WWOX: variants seen among roughly 807,000 people sequenced by gnomAD.
The protein encoded by WWOX is WW domain containing oxidoreductase, also known as WW domain-containing oxidoreductase.
Under a neutral mutation model 46.2 loss-of-function variants are expected in WWOX, and 69 were observed. The observed-to-expected ratio is 1.49, with a 90% CI of 1.23 to 1.82. The LOEUF is 1.82. Among genes scored for constraint, WWOX ranks in the 40% most tolerant of loss-of-function variants. The pLI is 0.00. For missense variants in WWOX, 919 were observed against 542.6 expected, an observed-to-expected ratio of 1.69 and a Z score of -6.89; for synonymous variants, 359 against 202.6, an observed-to-expected ratio of 1.77 and a Z score of -6.56.
chr16:79,211,176 A>C (rs2051730912), intron 8 of WWOX, among the ~76,000 whole-genome samples: 1 of 152,116 alleles, frequency 6.6e-6, no homozygotes, highest in Non-Finnish European at 1.5e-5. Flanking sequence ...ACCACAATTA[A>C]GAGTGGTTGG....
At chr16:78,359,146 C>G (rs1445320506) in intron 5 of WWOX, among the ~76,000 whole-genome samples, 2 of 152,112 alleles carry the variant, frequency 1.3e-5, no homozygotes, top group African/African-American at 4.8e-5. Context: ...GTGTCTGTAC[C>G]TTCCTATACC....
intron 4 of WWOX, among the ~76,000 whole-genome samples, chr16:78,158,917 C>G (rs1038504774): frequency 6.6e-6 from 1 of 152,150 alleles, no homozygotes; most frequent in African/African-American, 2.4e-5. Context: ...TACCCTTTGG[C>G]TAATACCTCC....
At chr16:78,764,043 T>C (rs8182221) in intron 8 of WWOX, among the ~76,000 whole-genome samples, 81,170 of 151,922 alleles carry the variant, frequency 0.53, 25,228 homozygotes, top group Non-Finnish European at 0.69. Flanking sequence ...CTGCGTAGGA[T>C]ATGTGAAATA....
chr16:78,638,404 A>T (rs896606127), intron 8 of WWOX, among the ~76,000 whole-genome samples: 5 of 151,042 alleles, frequency 3.3e-5, no homozygotes, highest in Admixed American at 6.6e-5. Context: ...TGCCTTTCCA[A>T]CCGCTACCAC....
chr16:79,052,493 T>C (rs1467035578), intron 8 of WWOX, among the ~76,000 whole-genome samples: 1 of 152,232 alleles, frequency 6.6e-6, no homozygotes, highest in African/African-American at 2.4e-5. Flanking sequence ...ATATGTTTAT[T>C]GCGGCATTAT....
intron 6 of WWOX, among the ~76,000 whole-genome samples, chr16:78,412,270 AG>A (rs2082699259): frequency 6.6e-6 from 1 of 152,214 alleles, no homozygotes; most frequent in Non-Finnish European, 1.5e-5. Flanking sequence ...ACAGAAATAA[AG>A]GGTATCAGGA....
chr16:78,691,454 T>C (rs35184599), intron 8 of WWOX, among the ~76,000 whole-genome samples: 9,998 of 152,222 alleles, frequency 0.066, 460 homozygotes, highest in Non-Finnish European at 0.096. Context: ...CTCCACACTT[T>C]GGGAGGCTGA....
At chr16:78,679,786 G>A (rs527884327) in intron 8 of WWOX, among the ~76,000 whole-genome samples, 1 of 152,324 alleles carries the variant, frequency 6.6e-6, no homozygotes, top group African/African-American at 2.4e-5. Context: ...GCTGCCAAGA[G>A]AACAGCAGCA....
intron 8 of WWOX, among the ~76,000 whole-genome samples, chr16:78,812,067 T>C (rs1001743749): frequency 3.3e-5 from 5 of 152,148 alleles, no homozygotes; most frequent in Admixed American, 6.5e-5. Context: ...AAGATCTTTC[T>C]GAAAAGGATC....
intron 8 of WWOX, among the ~76,000 whole-genome samples, chr16:79,126,139 G>A (rs935948979): frequency 1.3e-5 from 2 of 152,134 alleles, no homozygotes; most frequent in Non-Finnish European, 2.9e-5. Flanking sequence ...GCTTGGGGAT[G>A]GAGGTGAGCT....
chr16:78,586,620 C>T (rs1373740327), intron 8 of WWOX, among the ~76,000 whole-genome samples: 1 of 152,112 alleles, frequency 6.6e-6, no homozygotes, highest in Non-Finnish European at 1.5e-5. Context: ...GTAACCAAGT[C>T]ACAATTTTAA....
chr16:78,604,340 A>G (rs2045693340), intron 8 of WWOX, among the ~76,000 whole-genome samples: 1 of 151,970 alleles, frequency 6.6e-6, no homozygotes, highest in African/African-American at 2.4e-5. Flanking sequence ...GCCCTCATGA[A>G]TGCTTTAGTG....
intron 8 of WWOX, among the ~76,000 whole-genome samples, chr16:78,790,280 G>A (rs903296984): frequency 1.3e-5 from 2 of 152,138 alleles, no homozygotes; most frequent in South Asian, 2.1e-4. Flanking sequence ...GATTACAGGC[G>A]CACGCCAGCA....
intron 8 of WWOX, among the ~76,000 whole-genome samples, chr16:78,907,083 A>T (rs142341461): frequency 5.3e-5 from 8 of 152,268 alleles, no homozygotes; most frequent in African/African-American, 1.9e-4. Flanking sequence ...CTGGAGCTTT[A>T]TTGTTACTCA....
At chr16:78,528,233 C>G (rs2043530177) in intron 8 of WWOX, among the ~76,000 whole-genome samples, 1 of 130,348 alleles carries the variant, frequency 7.7e-6, no homozygotes, top group African/African-American at 2.9e-5. Context: ...CCAGGATGGT[C>G]TCGGTCTGCT....
At position 78,151,135 on chromosome 16, in the gene WWOX, C is replaced by CGG. The variant is rs2034391588; in HGVS notation, c.410-13048_410-13047insGG. Among the ~76,000 whole-genome samples, 14 of 151,672 alleles carry CGG rather than the reference C, an allele frequency of 9.2e-5. No homozygotes were observed. In the South Asian group the frequency reaches 2.9e-3, roughly 32 times the overall value. On this transcript the variant is annotated intron_variant, in intron 4 of 8. Transcript: ENST00000566780. ...TAAGTGATCCTCTTGCCTCAGCTTC[C>CGG]CAATGTGCTAGGATTACAGGCATGA...
chr16:78,183,512 C>G (rs1388252370), intron 5 of WWOX, among the ~76,000 whole-genome samples: 1 of 152,198 alleles, frequency 6.6e-6, no homozygotes. Flanking sequence ...TGTTGTGGAT[C>G]TCAGACAAGG....
chr16:78,302,491 G>T (rs1203079657), intron 5 of WWOX, among the ~76,000 whole-genome samples: 6 of 152,104 alleles, frequency 3.9e-5, no homozygotes, highest in Non-Finnish European at 8.8e-5. Flanking sequence ...AGGAGATATT[G>T]CCTACCTGCA....
chr16:78,272,622 T>C (rs764111171), intron 5 of WWOX, among the ~76,000 whole-genome samples: 5 of 152,190 alleles, frequency 3.3e-5, no homozygotes, highest in Non-Finnish European at 1.5e-5. Context: ...TCATTACCTA[T>C]AGAATAACTC....
Sources: allele counts gnomAD v4.1 joint callset (sites outside exome capture counted in the v4.1 genomes callset), GRCh38; gene constraint gnomAD v4.1.1; transcripts MANE v1.5; gene names NCBI Gene and HGNC (gene_info 2026-07-23, HGNC 2026-07-21).